The following ADCY9 variants were observed in gnomAD, a reference collection of about 807,000 sequenced individuals.
ADCY9 encodes the protein adenylate cyclase type 9.
A neutral mutation model predicts 101.5 loss-of-function variants in ADCY9; 50 were observed. The ratio of observed to expected loss-of-function variants is 0.49; its 90% CI spans 0.39 to 0.62. ADCY9 has a LOEUF of 0.62. Ranked by LOEUF, ADCY9 falls within the 20% of genes least tolerant of loss-of-function variation. The pLI, the probability that ADCY9 is intolerant of heterozygous loss-of-function variation, is 0.00. For synonymous variants in ADCY9, 905 were observed against 769.3 expected (o/e 1.18, Z -2.92); for missense variants, 1,662 against 1,800.4 (o/e 0.92, Z 1.39).
intron 2 of ADCY9, among the ~76,000 whole-genome samples, chr16:4,049,887 C>T (rs922409181): frequency 2.0e-5 from 3 of 152,064 alleles, no homozygotes; most frequent in Non-Finnish European, 4.4e-5. Context: ...CAAAAGTAGA[C>T]GGGCATGATG....
intron 5 of ADCY9, among the ~76,000 whole-genome samples, chr16:3,955,706 G>A (rs1273103122): frequency 1.3e-5 from 2 of 151,812 alleles, no homozygotes; most frequent in Non-Finnish European, 1.5e-5. Context: ...ATGCCACCAC[G>A]CCCAGCTAAT....
intron 2 of ADCY9, among the ~76,000 whole-genome samples, chr16:4,088,729 T>C (rs2056955115): frequency 6.6e-6 from 1 of 152,084 alleles, no homozygotes; most frequent in Non-Finnish European, 1.5e-5. Flanking sequence ...TGTCCAATCT[T>C]ATCTTGCCAA....
chr16:3,969,358 C>A (rs1042941356), intron 10 of ADCY9, among the ~76,000 whole-genome samples: 1 of 150,740 alleles, frequency 6.6e-6, no homozygotes, highest in African/African-American at 2.4e-5. Context: ...ACGATTCTTG[C>A]GGCCCAGCCT....
downstream of ADCY9, among the ~76,000 whole-genome samples, chr16:3,958,557 A>G (rs529590924): frequency 6.7e-5 from 10 of 149,368 alleles, no homozygotes; most frequent in East Asian, 5.9e-4. Flanking sequence ...AAAAAAAAAA[A>G]AAAAAGAAAA....
intron 2 of ADCY9, among the ~76,000 whole-genome samples, chr16:4,012,027 T>C (rs941490989): frequency 6.6e-6 from 1 of 152,234 alleles, no homozygotes; most frequent in Admixed American, 6.5e-5. Context: ...ATGCACCTTC[T>C]ACATACAAAA....
intron 3 of ADCY9, among the ~76,000 whole-genome samples, chr16:3,998,619 G>T (rs2056305703): frequency 7.1e-6 from 1 of 141,760 alleles, no homozygotes; most frequent in Non-Finnish European, 1.5e-5. Flanking sequence ...TGAGGCAGGG[G>T]AATCTCTTGA....
intron 2 of ADCY9, among the ~76,000 whole-genome samples, chr16:4,058,517 T>A (rs2056755254): frequency 6.6e-6 from 1 of 150,724 alleles, no homozygotes; most frequent in Non-Finnish European, 1.5e-5. Context: ...CCAAGCAATG[T>A]GACACCAGAG....
At chr16:4,066,342 T>C (rs893404717) in intron 2 of ADCY9, among the ~76,000 whole-genome samples, 5 of 152,200 alleles carry the variant, frequency 3.3e-5, no homozygotes, top group Non-Finnish European at 2.9e-5. Flanking sequence ...TTGAGTATAT[T>C]TACTTTTCTC....
chr16:4,114,553 TG>T lies in ADCY9; in HGVS notation c.889del (p.His297ThrfsTer8). ...CCTCACCTGGGACATGACGAACAGGTGGACCCCGATGGCGTGGATGCAGCCG... is the reference window on the plus strand; with the variant it reads ...CCTCACCTGGGACATGACGAACAGGTGACCCCGATGGCGTGGATGCAGCCG... ...LHGCIHAIGVHLFVMSQVRSR... is the reference protein window; with the variant it reads ...LHGCIHAIGVXLFVMSQVRSR... On this transcript the variant is annotated frameshift_variant, in exon 2 of 11. Transcript: ENST00000294016. LOFTEE classifies it high-confidence loss of function. The surrounding 1 kb of genome is among the most constrained non-coding windows in gnomAD (Gnocchi z 4.3). 1 of 1,614,036 alleles carries T rather than the reference TG, an allele frequency of 6.2e-7. No homozygotes were observed.
chr16:3,969,274 G>C (rs1006881045), intron 10 of ADCY9, among the ~76,000 whole-genome samples: 2 of 151,512 alleles, frequency 1.3e-5, no homozygotes, highest in Non-Finnish European at 2.9e-5. Flanking sequence ...TTGAGACAGA[G>C]TCTCACTCTC....
intron 6 of ADCY9, among the ~76,000 whole-genome samples, chr16:3,984,366 G>A (rs1597144648): frequency 1.3e-5 from 2 of 152,170 alleles, no homozygotes; most frequent in South Asian, 4.2e-4. Flanking sequence ...GCTCTGTGCT[G>A]GGGGCCAGTA....
intron 10 of ADCY9, among the ~76,000 whole-genome samples, chr16:3,971,218 TCAC>T: frequency 6.6e-6 from 1 of 151,844 alleles, no homozygotes; most frequent in African/African-American, 2.4e-5. Context: ...TTGTCACCAC[TCAC>T]TGCTGGAGGA....
intron 2 of ADCY9, among the ~76,000 whole-genome samples, chr16:4,045,869 CTTTTTTTTT>C (rs56804050): frequency 1.5e-4 from 12 of 78,898 alleles, no homozygotes; most frequent in Non-Finnish European, 2.6e-4. Context: ...TTTTTTCTTT[CTTTTTTTTT>C]TTTTTTTTTT....
At chr16:4,040,004 A>C (rs2056615975) in intron 2 of ADCY9, among the ~76,000 whole-genome samples, 1 of 152,244 alleles carries the variant, frequency 6.6e-6, no homozygotes, top group East Asian at 1.9e-4. Flanking sequence ...GCACCACTGC[A>C]CTCCAGGCTG....
intron 2 of ADCY9, among the ~76,000 whole-genome samples, chr16:4,030,038 C>T (rs758970897): frequency 2.0e-5 from 3 of 152,222 alleles, no homozygotes; most frequent in East Asian, 1.9e-4. Context: ...ACTCTGCTGA[C>T]GGGTATGAGG....
At chr16:3,955,421 C>T (rs2055901825) in intron 5 of ADCY9, among the ~76,000 whole-genome samples, 1 of 152,126 alleles carries the variant, frequency 6.6e-6, no homozygotes. Context: ...AATTAATGTC[C>T]TGAAAGTTCA....
intron 2 of ADCY9, among the ~76,000 whole-genome samples, chr16:4,073,637 C>T (rs1289675276): frequency 1.3e-5 from 2 of 152,190 alleles, no homozygotes; most frequent in African/African-American, 4.8e-5. Flanking sequence ...TGCAGGTGAT[C>T]CACCTACCTC....
At position 4,026,529 on chromosome 16, in the gene ADCY9, A is replaced by C. The variant is rs114559603; in HGVS notation, c.1694-18971T>G. On this transcript the variant is annotated intron_variant, in intron 2 of 10. Transcript: ENST00000294016. ...GAAATCAAACCTTATGTTTACAAAA[A>C]ACGCTGTACGCAAATGTTTGTAGCG... is the stretch of plus-strand genomic sequence containing the variant. Among the ~76,000 whole-genome samples the C allele has an allele frequency of 1.9e-3, 294 of 152,324 alleles. 1 individual carries two copies. Among genetic ancestry groups the C allele is most frequent in the Middle Eastern group, 6.8e-3 (2 of 294 alleles).
intron 3 of ADCY9, among the ~76,000 whole-genome samples, chr16:3,998,800 A>AAAG (rs1165233081): frequency 3.3e-5 from 4 of 123,068 alleles, no homozygotes; most frequent in Non-Finnish European, 5.1e-5. Flanking sequence ...AAAGAAAAGA[A>AAAG]AAAAAGAGAA....
Sources: allele counts gnomAD v4.1 joint callset (sites outside exome capture counted in the v4.1 genomes callset), GRCh38; gene constraint gnomAD v4.1.1; non-coding constraint Gnocchi (gnomAD v3.1); transcripts MANE v1.5; gene names NCBI Gene and HGNC (gene_info 2026-07-23, HGNC 2026-07-21).